The following XDH variants were observed in gnomAD, a reference collection of about 807,000 sequenced individuals.
The protein encoded by XDH is xanthine dehydrogenase, also known as xanthine dehydrogenase/oxidase.
In XDH, 138 loss-of-function variants were observed where a neutral mutation model predicts 156.1. The ratio of observed to expected loss-of-function variants is 0.88; its 90% CI spans 0.77 to 1.02. The LOEUF (loss-of-function observed/expected upper bound fraction) is 1.02, where lower values mean the gene tolerates loss of function less well. Ranked by LOEUF, XDH falls within the 50% of genes least tolerant of loss-of-function variation. The pLI is 0.00. For missense variants in XDH, 1,849 were observed against 1,684.9 expected (o/e 1.10, Z -1.71); for synonymous variants, 669 against 625.7 (o/e 1.07, Z -1.03).
chr2:31,357,857 T>C (rs1685667951), intron 24 of XDH, among the ~76,000 whole-genome samples: 1 of 152,010 alleles, frequency 6.6e-6, no homozygotes, highest in South Asian at 2.1e-4. Flanking sequence ...GTACCAATAA[T>C]AATGAAAAAC....
intron 17 of XDH, 90 bp downstream of exon 17, chr2:31,372,138 C>T: frequency 6.2e-7 from 1 of 1,601,376 alleles, no homozygotes; most frequent in Non-Finnish European, 8.6e-7. Context: ...TTTGCATCTC[C>T]ATGGCCTAGC....
At chr2:31,365,884 C>T in intron 22 of XDH, 92 bp downstream of exon 22, 1 of 1,593,792 alleles carries the variant, frequency 6.3e-7, no homozygotes, top group Non-Finnish European at 8.6e-7. Flanking sequence ...GAAACTAATT[C>T]TAACAGGGGG....
intron 35 of XDH, 150 bp from the exon 36 acceptor site, chr2:31,336,158 A>T: frequency 1.2e-6 from 1 of 828,156 alleles, no homozygotes; most frequent in South Asian, 1.4e-5. Context: ...GCCTCAGGGC[A>T]GGACTCCTTA....
intron 11 of XDH, among the ~76,000 whole-genome samples, chr2:31,382,685 G>A (rs1037593102): frequency 6.6e-6 from 1 of 152,192 alleles, no homozygotes; most frequent in Non-Finnish European, 1.5e-5. Context: ...GCTCAGGAAG[G>A]GGGAGGGAGG....
intron 9 of XDH, among the ~76,000 whole-genome samples, chr2:31,385,098 G>C (rs780607137): frequency 1.2e-4 from 19 of 152,172 alleles, no homozygotes; most frequent in Non-Finnish European, 1.9e-4. Context: ...CCTTGAGGCT[G>C]GGGTGGGGGA....
chr2:31,344,073 T>C (rs1017591082), intron 31 of XDH, among the ~76,000 whole-genome samples: 47 of 152,178 alleles, frequency 3.1e-4, no homozygotes, highest in Non-Finnish European at 1.0e-4. Flanking sequence ...TCATATCTTT[T>C]TACAGCTGCT....
At position 31,357,590 on chromosome 2, in the gene XDH, C is replaced by T. The variant is rs560539372; in HGVS notation, c.2631+6568G>A. Among the ~76,000 whole-genome samples the T allele has an allele frequency of 2.6e-5, 4 of 151,928 alleles. No individual in the cohort carries two copies. In the East Asian group the frequency reaches 7.7e-4, roughly 29 times the overall value. ...GAGGATAAAATGGGGATGGTTAATA[C>T]ATATAAAAATATAGTTAGAATGAGT... On this transcript the variant is annotated intron_variant, in intron 24 of 35. Coordinates refer to ENST00000379416, the MANE Select transcript of XDH (RefSeq NM_000379.4).
chr2:31,388,179 A>G lies in XDH; in HGVS notation c.564+48T>C, dbSNP rs45502402. 5.4e-4 allele frequency: 865 copies of G among 1,601,380 alleles called. 5 individuals carry two copies. The African/African-American group carries it at 9.6e-3, about 18-fold the overall frequency. ...ATGGAGCTCGTGCACTGACTCCTCT[A>G]AGTCTCAGATTACCCCCAGGCTTCC... On this transcript the variant is annotated intron_variant, in intron 7 of 35. Transcript: ENST00000379416.
rs192763480 is a variant in XDH at position 31,398,580 on chromosome 2, G to C, written c.426C>G (p.Ala142=). Residue 142 remains alanine (A), a synonymous_variant, in exon 5 of 36, where the codon GCC becomes GCG. Coordinates refer to ENST00000379416, the MANE Select transcript of XDH (RefSeq NM_000379.4). The part of the protein sequence containing the change: ...PEPTMEEIEN[A]FQGNLCRCTG... ...GTGCCTGAAGGCCCATACCTTGGAAGGCATTCTCAATCTCCTCCATGGTGG... is the reference window on the plus strand; with the variant it reads ...GTGCCTGAAGGCCCATACCTTGGAACGCATTCTCAATCTCCTCCATGGTGG... 8.7e-6 allele frequency: 14 copies of C among 1,614,118 alleles called. No homozygotes were observed. Among genetic ancestry groups the C allele is most frequent in the Non-Finnish European group, 1.2e-5 (14 of 1,179,956 alleles).
chr2:31,388,114 C>T lies in XDH; in HGVS notation c.564+113G>A, dbSNP rs939402407. 38 of 1,265,726 alleles carry T rather than the reference C, an allele frequency of 3.0e-5. No homozygotes were observed. In the African/African-American group the frequency reaches 4.0e-4, roughly 13 times the overall value. 78.4% of individuals were successfully genotyped at this position (1,265,726 alleles called of 1,614,324 possible). A position where few individuals can be genotyped will look rare whatever the true frequency, so the allele number is the denominator to read the frequency against. On this transcript the variant is annotated intron_variant, in intron 7 of 35. Transcript: ENST00000379416. ...CATCCCCACAGTCTGCCATCACCGACTCACCGTAGGTTCCTCTTCCAGCCC... is the reference window on the plus strand; with the variant it reads ...CATCCCCACAGTCTGCCATCACCGATTCACCGTAGGTTCCTCTTCCAGCCC...
chr2:31,340,733 G>A (rs911958366), intron 33 of XDH, among the ~76,000 whole-genome samples: 6 of 152,156 alleles, frequency 3.9e-5, no homozygotes, highest in African/African-American at 1.2e-4. Flanking sequence ...GCCTCCCAGA[G>A]TGCTGGGATT....
intron 5 of XDH, 26 bp downstream of exon 5, chr2:31,398,547 C>T (rs757474086): frequency 6.2e-7 from 1 of 1,613,440 alleles, no homozygotes; most frequent in African/African-American, 1.3e-5. Flanking sequence ...CATTCCACCT[C>T]CTAGGCTGTG....
intron 8 of XDH, 82 bp from the exon 9 acceptor site, chr2:31,386,637 G>C: frequency 6.4e-7 from 1 of 1,567,872 alleles, no homozygotes; most frequent in African/African-American, 1.3e-5. Flanking sequence ...GTCCTCAATG[G>C]GATGTTTTAC....
chr2:31,350,368 C>CTTTTTTTTT (rs35646405), intron 24 of XDH, 145 bp from the exon 25 acceptor site: 1 of 168,896 alleles, frequency 5.9e-6, no homozygotes, highest in African/African-American at 6.6e-5. Context: ...GCAGCAGCAT[C>CTTTTTTTTT]TTTTTTTTTT....
chr2:31,343,313 T>C (rs1007647414), intron 31 of XDH, among the ~76,000 whole-genome samples: 4 of 136,370 alleles, frequency 2.9e-5, no homozygotes, highest in Non-Finnish European at 6.4e-5. Flanking sequence ...TATATATATA[T>C]ATATATATAT....
In XDH at chr2:31,403,143, C is replaced by T; in HGVS notation, c.102G>A (p.Leu34=). The change falls in exon 3 of 36, where the codon TTG becomes TTA. Residue 34 remains leucine, a splice_region_variant and synonymous_variant. Transcript: ENST00000379416. ...TTLLAYLRRK[L]GLSGTKLGCG... The stretch of plus-strand genomic sequence containing the variant: ...AGCCGAGCTTGGTTCCACTCAGCCC[C>T]ACTGGGTGGTCAAGAGTTAAGGAGA... The T allele has an allele frequency of 6.2e-7, 1 of 1,614,106 alleles. No homozygotes were observed. Among genetic ancestry groups the T allele is most frequent in the Non-Finnish European group, 8.5e-7 (1 of 1,179,988 alleles).
rs1432140682 is a variant in XDH, at chr2:31,368,008, T to C, written c.2150A>G (p.Lys717Arg). Residue 717 changes from lysine to arginine, a missense_variant, in exon 20 of 36, where the codon AAA becomes AGA. Lys to Arg is a conservative substitution (Grantham distance 26). Transcript: ENST00000379416. ...SFYGPELKIE[K>R]GDLKKGFSEA... ...GGAAAACCCCTTCTTTAGGTCCCCT[T>C]TCTCGATCTTCAGCTCAGGTCCATA... 1 of 1,614,180 alleles carries C rather than the reference T, an allele frequency of 6.2e-7. No individual in the cohort carries two copies. Among genetic ancestry groups the C allele is most frequent in the Admixed American group, 1.7e-5 (1 of 60,022 alleles).
chr2:31,364,748 A>T (rs1283359424), intron 23 of XDH, among the ~76,000 whole-genome samples: 4 of 152,214 alleles, frequency 2.6e-5, no homozygotes, highest in Non-Finnish European at 5.9e-5. Context: ...GGGACCCCAG[A>T]AGATCAAGGA....
In XDH at chr2:31,349,792, G is replaced by C. The variant is rs762858102; in HGVS notation, c.2863C>G (p.His955Asp). 1 of 1,614,150 alleles carries C rather than the reference G, an allele frequency of 6.2e-7. No individual in the cohort carries two copies. The highest frequency in any genetic ancestry group is 2.2e-5 in the East Asian group (1 of 44,874). The change falls in exon 26 of 36, where the codon CAC (histidine) becomes GAC (aspartate). Residue 955 changes from histidine to aspartate, a missense_variant. By Grantham distance (81) the His-to-Asp change is moderately conservative. Coordinates refer to ENST00000379416, the MANE Select transcript of XDH (RefSeq NM_000379.4). ...KNLYKEGDLT[H>D]FNQKLEGFTL... ...AAACCCTCAAGCTTCTGGTTGAAGT[G>C]TGTCAGGTCCCCTTCTTTGTACAGG...
Sources: allele counts gnomAD v4.1 joint callset (sites outside exome capture counted in the v4.1 genomes callset), GRCh38; gene constraint gnomAD v4.1.1; transcripts MANE v1.5; gene names NCBI Gene and HGNC (gene_info 2026-07-23, HGNC 2026-07-21).